The following ZNF292 variants were observed in gnomAD, a reference collection of about 807,000 sequenced individuals.
ZNF292 encodes the protein zinc finger protein 292.
Under a neutral mutation model 217.9 loss-of-function variants are expected in ZNF292, and 26 were observed. The ratio of observed to expected loss-of-function variants is 0.12; its 90% CI spans 0.09 to 0.17. The LOEUF (loss-of-function observed/expected upper bound fraction) is 0.17, where lower values mean the gene tolerates loss of function less well. Among genes scored for constraint, ZNF292 ranks in the 10% least tolerant of loss-of-function variants. The probability of loss-of-function intolerance (pLI) is 1.00; values close to 1 mark genes in which losing one functional copy is unlikely to be tolerated. For synonymous variants in ZNF292, 1,257 were observed against 1,124.1 expected, an observed-to-expected ratio of 1.12 and a Z score of -2.37; for missense variants, 2,904 against 3,175.2, an observed-to-expected ratio of 0.91 and a Z score of 2.05.
intron 1 of ZNF292, among the ~76,000 whole-genome samples, chr6:87,158,094 A>G (rs1329089980): frequency 6.6e-6 from 1 of 152,224 alleles, no homozygotes; most frequent in Non-Finnish European, 1.5e-5. Context: ...TTAAGTGATT[A>G]GTCTTGCCAC....
intron 1 of ZNF292, among the ~76,000 whole-genome samples, chr6:87,200,017 T>G (rs1772061472): frequency 6.6e-6 from 1 of 152,196 alleles, no homozygotes. Context: ...AAGTTGAGAT[T>G]GAGGCTCGTG....
intron 1 of ZNF292, among the ~76,000 whole-genome samples, chr6:87,189,077 C>T (rs1418356381): frequency 1.3e-5 from 2 of 151,802 alleles, no homozygotes; most frequent in Non-Finnish European, 2.9e-5. Flanking sequence ...AGGTGGCGAG[C>T]GCCTGTAATT....
chr6:87,198,455 G>A lies in ZNF292; in HGVS notation c.169-17448G>A, dbSNP rs191292620. On this transcript the variant is annotated intron_variant, in intron 1 of 7. Transcript: ENST00000369577. ...TCCTCACCTCGTGATCCGCCCGCCT[G>A]GGCCTCCCAAAGTGCTGGGATTACA... Among the ~76,000 whole-genome samples, 30 of 152,154 alleles carry A rather than the reference G, an allele frequency of 2.0e-4. No individual in the cohort carries two copies. In the East Asian group the frequency reaches 5.6e-3, roughly 28 times the overall value.
At chr6:87,212,537 T>C (rs981688670) in intron 1 of ZNF292, among the ~76,000 whole-genome samples, 19 of 152,298 alleles carry the variant, frequency 1.2e-4, no homozygotes, top group African/African-American at 4.1e-4. Flanking sequence ...TTACGTAGAT[T>C]TCAAGGGTTT....
At chr6:87,216,110 C>G (rs1319841876) in intron 2 of ZNF292, 53 bp downstream of exon 2, 19 of 18,308 alleles carry the variant, frequency 1.0e-3, no homozygotes, top group Non-Finnish European at 1.1e-3. Context: ...AATACATAGA[C>G]ACACACACAC....
intron 1 of ZNF292, among the ~76,000 whole-genome samples, chr6:87,194,945 C>T (rs1248524933): frequency 6.7e-6 from 1 of 149,588 alleles, no homozygotes; most frequent in Admixed American, 6.7e-5. Flanking sequence ...AAAAAAAAAC[C>T]TGTATTCAGT....
In ZNF292 at chr6:87,258,363, G is replaced by A. The variant is rs767738793; in HGVS notation, c.4734G>A (p.Lys1578=). Residue 1578 remains lysine, a synonymous_variant, in exon 8 of 8, where the codon AAG becomes AAA. Coordinates refer to ENST00000369577, the MANE Select transcript of ZNF292 (RefSeq NM_015021.3). The part of the protein sequence containing the change: ...PVFPTNDLLL[K]TVENGLCSSS... Reference sequence around the variant, plus strand: ...TTCCAACGAATGACTTACTACTGAAGACTGTTGAAAATGGTTTGTGCTCTA... The same window carrying A: ...TTCCAACGAATGACTTACTACTGAAAACTGTTGAAAATGGTTTGTGCTCTA... 14 of 1,613,528 alleles carry A rather than the reference G, an allele frequency of 8.7e-6. No individual in the cohort carries two copies. The South Asian group carries it at 1.5e-4, about 18-fold the overall frequency.
chr6:87,171,932 A>G (rs1771112914), intron 1 of ZNF292, among the ~76,000 whole-genome samples: 1 of 152,240 alleles, frequency 6.6e-6, no homozygotes, highest in Non-Finnish European at 1.5e-5. Context: ...TGAACATTAA[A>G]CTATGAGATT....
chr6:87,170,420 ATG>A, intron 1 of ZNF292: 1 of 152,372 alleles, frequency 6.6e-6, no homozygotes, highest in East Asian at 1.9e-4. Context: ...TTCTGAATGC[ATG>A]TGTCATAAAA....
At position 87,259,839 on chromosome 6, in the gene ZNF292, T is replaced by A; in HGVS notation, c.6210T>A (p.Asn2070Lys). Residue 2070 changes from asparagine to lysine, a missense_variant, in exon 8 of 8, where the codon AAT becomes AAA. By Grantham distance (94) the Asn-to-Lys change is moderately conservative (BLOSUM62 0). Transcript: ENST00000369577. The part of the protein sequence containing the change: ...ITVTSEQCNT[N>K]ALTNTQTKGR... Reference sequence around the variant, plus strand: ...TTACTTCAGAACAATGTAATACAAATGCACTCACAAACACACAAACCAAAG... The same window carrying A: ...TTACTTCAGAACAATGTAATACAAAAGCACTCACAAACACACAAACCAAAG... The A allele has an allele frequency of 6.2e-7, 1 of 1,612,722 alleles. No individual in the cohort carries two copies. The highest frequency in any genetic ancestry group is 8.5e-7 in the Non-Finnish European group (1 of 1,179,386).
At chr6:87,200,331 G>T (rs534123930) in intron 1 of ZNF292, among the ~76,000 whole-genome samples, 1 of 152,294 alleles carries the variant, frequency 6.6e-6, no homozygotes, top group East Asian at 1.9e-4. Flanking sequence ...GAAATACTGT[G>T]GAGACTAAGC....
At chr6:87,176,396 G>C (rs1771293930) in intron 1 of ZNF292, among the ~76,000 whole-genome samples, 1 of 152,138 alleles carries the variant, frequency 6.6e-6, no homozygotes, top group African/African-American at 2.4e-5. Flanking sequence ...ATGTTCCTGT[G>C]TTTTCAGAGA....
chr6:87,209,668 T>C (rs953319635), intron 1 of ZNF292, among the ~76,000 whole-genome samples: 2 of 152,354 alleles, frequency 1.3e-5, no homozygotes, highest in East Asian at 3.9e-4. Flanking sequence ...TTGAAAAATG[T>C]AAAACAATGC....
rs1430648449 is a variant in ZNF292 at position 87,259,590 on chromosome 6, T to G, written c.5961T>G (p.Pro1987=). 2 of 1,577,548 alleles carry G rather than the reference T, an allele frequency of 1.3e-6. No homozygotes were observed. Among genetic ancestry groups the G allele is most frequent in the Non-Finnish European group, 1.7e-6 (2 of 1,160,722 alleles). The stretch of plus-strand genomic sequence containing the variant: ...TGGTAAAGTTAAAAATTAAAAGGCC[T>G]TATGGAAGAAAATCTCAGAGTGAAA... ...EEMVKLKIKR[P]YGRKSQSENV... is the part of the protein sequence containing the mutation. Residue 1987 remains proline (P), a synonymous_variant, in exon 8 of 8, where the codon CCT becomes CCG. Coordinates refer to ENST00000369577, the MANE Select transcript of ZNF292 (RefSeq NM_015021.3).
Position 87,258,736 on chromosome 6 carries a change from A to C in ZNF292, c.5107A>C (p.Lys1703Gln). The change falls in exon 8 of 8, where the codon AAA (lysine) becomes CAA (glutamine). Residue 1703 changes from lysine to glutamine, a missense_variant. Lys to Gln is a moderately conservative substitution (Grantham distance 53). Coordinates refer to ENST00000369577, the MANE Select transcript of ZNF292 (RefSeq NM_015021.3). Reference sequence around the variant, plus strand: ...CAATCAGTTATTTATGACTGATGTAAAAGAGAATTTCAAAACCAGTCTTGA... The same window carrying C: ...CAATCAGTTATTTATGACTGATGTACAAGAGAATTTCAAAACCAGTCTTGA... ...VNNQLFMTDV[K>Q]ENFKTSLESH... is the part of the protein sequence containing the mutation. 1 of 1,613,468 alleles carries C rather than the reference A, an allele frequency of 6.2e-7. No homozygotes were observed. Among genetic ancestry groups the C allele is most frequent in the Non-Finnish European group, 8.5e-7 (1 of 1,179,692 alleles).
chr6:87,203,795 T>G (rs1772164656), intron 1 of ZNF292, among the ~76,000 whole-genome samples: 2 of 151,884 alleles, frequency 1.3e-5, no homozygotes, highest in Middle Eastern at 6.8e-3. Context: ...AGGAGCTACC[T>G]GGTATGGGGA....
At chr6:87,242,448 G>A (rs80304012) in intron 5 of ZNF292, among the ~76,000 whole-genome samples, 168 of 152,160 alleles carry the variant, frequency 1.1e-3, no homozygotes, top group African/African-American at 3.8e-3. Flanking sequence ...AGGATTACCC[G>A]CATTCTCCAT....
intron 1 of ZNF292, among the ~76,000 whole-genome samples, chr6:87,164,797 C>G (rs930011134): frequency 3.8e-4 from 53 of 138,520 alleles, no homozygotes; most frequent in Non-Finnish European, 6.8e-4. Flanking sequence ...GAGTCTTGCT[C>G]TGTCGCACAG....
chr6:87,235,415 G>A (rs757534161), intron 5 of ZNF292, among the ~76,000 whole-genome samples: 2 of 152,014 alleles, frequency 1.3e-5, no homozygotes, highest in African/African-American at 4.8e-5. Context: ...CATTGGGGGG[G>A]ATTGGGGGAG....
Sources: gnomAD v4.1 joint callset for allele counts (sites outside exome capture counted in the v4.1 genomes callset) on GRCh38, gnomAD v4.1.1 for gene constraint, MANE v1.5 for transcripts, NCBI Gene and HGNC (gene_info 2026-07-23, HGNC 2026-07-21) for gene names.